Variants in GALNTL6 observed in about 807,000 individuals in gnomAD.
GALNTL6 encodes the protein polypeptide N-acetylgalactosaminyltransferase-like 6.
Under a neutral mutation model 73.7 loss-of-function variants are expected in GALNTL6, and 46 were observed. That is an observed-to-expected ratio of 0.62 (90% CI 0.49 to 0.80). The LOEUF (loss-of-function observed/expected upper bound fraction) is 0.80, where lower values mean the gene tolerates loss of function less well. Among genes scored for constraint, GALNTL6 ranks in the 30% least tolerant of loss-of-function variants. The probability of loss-of-function intolerance (pLI) is 0.00; values close to 1 mark genes in which losing one functional copy is unlikely to be tolerated. For synonymous variants in GALNTL6, 259 were observed against 263.7 expected, an observed-to-expected ratio of 0.98 and a Z score of 0.17; for missense variants, 604 against 755.0, an observed-to-expected ratio of 0.80 and a Z score of 2.34.
intron 7 of GALNTL6, among the ~76,000 whole-genome samples, chr4:172,814,463 CAGTT>C (rs1255975104): frequency 6.6e-6 from 1 of 152,148 alleles, no homozygotes; most frequent in Non-Finnish European, 1.5e-5. Flanking sequence ...CTTTTTCCAA[CAGTT>C]AGCCCAGAGA....
intron 2 of GALNTL6, among the ~76,000 whole-genome samples, chr4:172,014,568 G>A (rs561914043): frequency 1.3e-5 from 2 of 151,748 alleles, no homozygotes; most frequent in South Asian, 2.1e-4. Context: ...TCTGATCTTT[G>A]TTATTTCTTT....
intron 5 of GALNTL6, among the ~76,000 whole-genome samples, chr4:172,748,304 C>T (rs1039053461): frequency 6.6e-6 from 1 of 152,064 alleles, no homozygotes; most frequent in African/African-American, 2.4e-5. Context: ...CACTCACACA[C>T]ACACCCACAC....
chr4:172,681,204 T>C (rs141743457), intron 5 of GALNTL6, among the ~76,000 whole-genome samples: 45 of 152,300 alleles, frequency 3.0e-4, no homozygotes, highest in African/African-American at 1.1e-3. Flanking sequence ...CCCAGGTTTG[T>C]TCCTTTTTCT....
At chr4:171,908,848 C>A (rs1226030028) in intron 2 of GALNTL6, among the ~76,000 whole-genome samples, 2 of 151,128 alleles carry the variant, frequency 1.3e-5, no homozygotes, top group Non-Finnish European at 2.9e-5. Flanking sequence ...TTTGTAGGGA[C>A]ATGGATGAAA....
intron 3 of GALNTL6, among the ~76,000 whole-genome samples, chr4:172,268,820 C>T (rs1225394892): frequency 3.3e-5 from 5 of 152,128 alleles, no homozygotes; most frequent in Admixed American, 2.6e-4. Flanking sequence ...AGCAAAAAGG[C>T]GACTTCTACA....
At chr4:173,037,998 C>T (rs1303923930) in intron 12 of GALNTL6, among the ~76,000 whole-genome samples, 1 of 152,212 alleles carries the variant, frequency 6.6e-6, no homozygotes, top group African/African-American at 2.4e-5. Context: ...CCGCCATGGC[C>T]TCCCAAAGTG....
chr4:172,900,305 A>T (rs566715989), intron 8 of GALNTL6, among the ~76,000 whole-genome samples: 1 of 152,322 alleles, frequency 6.6e-6, no homozygotes, highest in Admixed American at 6.5e-5. Flanking sequence ...CAAATAAATT[A>T]CCCAACGTCA....
At chr4:172,414,727 G>A (rs184755357) in intron 5 of GALNTL6, among the ~76,000 whole-genome samples, 246 of 152,136 alleles carry the variant, frequency 1.6e-3, no homozygotes, top group African/African-American at 5.3e-3. Flanking sequence ...ACTTAACTCC[G>A]TCACCTACTG....
chr4:171,928,735 T>G (rs1190502537), intron 2 of GALNTL6, among the ~76,000 whole-genome samples: 1 of 152,202 alleles, frequency 6.6e-6, no homozygotes, highest in African/African-American at 2.4e-5. Context: ...CAAATAGCAC[T>G]GTGCTCCAGT....
intron 5 of GALNTL6, among the ~76,000 whole-genome samples, chr4:172,682,741 T>C (rs2111234956): frequency 6.6e-6 from 1 of 152,202 alleles, no homozygotes; most frequent in Non-Finnish European, 1.5e-5. Flanking sequence ...AATCCATCAT[T>C]GAGAGATTTA....
At chr4:172,930,347 G>A (rs138033007) in intron 8 of GALNTL6, among the ~76,000 whole-genome samples, 2 of 152,046 alleles carry the variant, frequency 1.3e-5, no homozygotes, top group East Asian at 1.9e-4. Flanking sequence ...GTGGCGGGGG[G>A]AGAAATGAGA....
chr4:172,240,224 G>A (rs947219757), intron 3 of GALNTL6, among the ~76,000 whole-genome samples: 4 of 151,548 alleles, frequency 2.6e-5, no homozygotes, highest in African/African-American at 9.7e-5. Flanking sequence ...GTTTTTGTTT[G>A]TTTGTTTGTT....
chr4:172,915,869 A>G (rs895341844), intron 8 of GALNTL6, among the ~76,000 whole-genome samples: 1 of 152,166 alleles, frequency 6.6e-6, no homozygotes, highest in South Asian at 2.1e-4. Flanking sequence ...AAATAGAAAA[A>G]GAGGGAATCT....
intron 3 of GALNTL6, among the ~76,000 whole-genome samples, chr4:172,282,364 T>C (rs1423006806): frequency 6.6e-6 from 1 of 152,166 alleles, no homozygotes; most frequent in Non-Finnish European, 1.5e-5. Flanking sequence ...TAAAATAGAC[T>C]GAAAATTTAC....
At chr4:172,843,488 GGAAA>G (rs1221722783) in intron 7 of GALNTL6, among the ~76,000 whole-genome samples, 1 of 152,114 alleles carries the variant, frequency 6.6e-6, no homozygotes, top group Non-Finnish European at 1.5e-5. Context: ...CTGCACTGAG[GGAAA>G]GAAAGGCCAT....
intron 5 of GALNTL6, among the ~76,000 whole-genome samples, chr4:172,623,229 C>A (rs1739033193): frequency 6.6e-6 from 1 of 151,958 alleles, no homozygotes; most frequent in Admixed American, 6.6e-5. Context: ...CCCGAAGAAT[C>A]AACTAAAAAA....
intron 5 of GALNTL6, among the ~76,000 whole-genome samples, chr4:172,590,220 C>T (rs1019840299): frequency 1.3e-5 from 2 of 152,096 alleles, no homozygotes; most frequent in African/African-American, 2.4e-5. Flanking sequence ...GGAGATAGAG[C>T]ATTAATATTG....
At chr4:172,160,231 G>T (rs1734411131) in intron 2 of GALNTL6, among the ~76,000 whole-genome samples, 1 of 151,780 alleles carries the variant, frequency 6.6e-6, no homozygotes, top group Admixed American at 6.6e-5. Context: ...AGTGAATGTT[G>T]TTAACTCCTG....
intron 2 of GALNTL6, among the ~76,000 whole-genome samples, chr4:171,960,136 T>C (rs1275896893): frequency 1.3e-5 from 2 of 152,222 alleles, no homozygotes; most frequent in African/African-American, 4.8e-5. Context: ...CATAGCTTTC[T>C]AATCTATAGC....
Sources: gnomAD v4.1 joint callset for allele counts (sites outside exome capture counted in the v4.1 genomes callset) on GRCh38, gnomAD v4.1.1 for gene constraint, MANE v1.5 for transcripts, NCBI Gene and HGNC (gene_info 2026-07-23, HGNC 2026-07-21) for gene names.